ANKS1B: variants seen among roughly 807,000 people sequenced by gnomAD.
ANKS1B encodes ankyrin repeat and sterile alpha motif domain-containing protein 1B.
A neutral mutation model predicts 148.3 loss-of-function variants in ANKS1B; 36 were observed. The observed-to-expected ratio is 0.24, with a 90% CI of 0.19 to 0.32. ANKS1B has a LOEUF of 0.32. Ranked by LOEUF, ANKS1B falls within the 10% of genes least tolerant of loss-of-function variation. The pLI, the probability that ANKS1B is intolerant of heterozygous loss-of-function variation, is 1.00. For missense variants in ANKS1B, 1,157 were observed against 1,542.6 expected (o/e 0.75, Z 4.19); for synonymous variants, 542 against 560.8 (o/e 0.97, Z 0.47).
intron 16 of ANKS1B, among the ~76,000 whole-genome samples, chr12:99,062,176 G>A (rs986437086): frequency 2.6e-5 from 4 of 152,132 alleles, no homozygotes; most frequent in African/African-American, 7.2e-5. Context: ...ATCTGACCTC[G>A]AGCAAATCAC....
At chr12:99,271,662 C>CTATATATATATA (rs59207203) in intron 12 of ANKS1B, among the ~76,000 whole-genome samples, 1,011 of 94,094 alleles carry the variant, frequency 0.011, 60 homozygotes, top group African/African-American at 0.037. Flanking sequence ...AGTCAATAAA[C>CTATATATATATA]TATATATATA....
intron 12 of ANKS1B, among the ~76,000 whole-genome samples, chr12:99,356,320 C>T (rs2091976480): frequency 6.6e-6 from 1 of 152,080 alleles, no homozygotes; most frequent in Non-Finnish European, 1.5e-5. Flanking sequence ...CTCTAGAATG[C>T]CAGGGAAAAC....
chr12:99,379,028 G>A (rs569504689), intron 12 of ANKS1B, among the ~76,000 whole-genome samples: 2 of 152,188 alleles, frequency 1.3e-5, no homozygotes, highest in East Asian at 3.9e-4. Flanking sequence ...TGATGGATAT[G>A]TGGGAGGCAC....
chr12:99,044,919 C>T (rs1251653346), intron 17 of ANKS1B, among the ~76,000 whole-genome samples: 1 of 151,906 alleles, frequency 6.6e-6, no homozygotes, highest in South Asian at 2.1e-4. Flanking sequence ...TACCGAGGGG[C>T]GGATATAAGA....
chr12:98,856,816 A>G (rs2099574145), intron 17 of ANKS1B, among the ~76,000 whole-genome samples: 1 of 152,198 alleles, frequency 6.6e-6, no homozygotes, highest in Non-Finnish European at 1.5e-5. Context: ...TTCTGTGTCT[A>G]GAAGAATCAA....
intron 14 of ANKS1B, among the ~76,000 whole-genome samples, chr12:99,168,095 T>C (rs1489621447): frequency 6.6e-6 from 1 of 152,234 alleles, no homozygotes; most frequent in Non-Finnish European, 1.5e-5. Context: ...TTGGGGCTGA[T>C]GAATATATTC....
intron 10 of ANKS1B, among the ~76,000 whole-genome samples, chr12:99,475,411 ATTCT>A (rs913671576): frequency 5.3e-5 from 8 of 151,798 alleles, no homozygotes; most frequent in African/African-American, 1.7e-4. Flanking sequence ...GGGAAAAAAA[ATTCT>A]TTCAACAGAG....
At chr12:99,697,823 A>C (rs576726234) in intron 8 of ANKS1B, among the ~76,000 whole-genome samples, 25 of 152,304 alleles carry the variant, frequency 1.6e-4, no homozygotes, top group Admixed American at 1.2e-3. Flanking sequence ...AACAGGAGAA[A>C]TGGGAGAGGT....
chr12:99,879,159 A>G (rs899667022), intron 1 of ANKS1B, among the ~76,000 whole-genome samples: 4 of 152,186 alleles, frequency 2.6e-5, no homozygotes, highest in Non-Finnish European at 5.9e-5. Flanking sequence ...AGGGAAGCCC[A>G]CATGTCAGTA....
intron 17 of ANKS1B, among the ~76,000 whole-genome samples, chr12:98,886,748 T>C (rs1160872465): frequency 1.3e-5 from 2 of 152,124 alleles, no homozygotes; most frequent in Non-Finnish European, 2.9e-5. Context: ...CCTCAGACTA[T>C]ACAGAGATAT....
intron 9 of ANKS1B, among the ~76,000 whole-genome samples, chr12:99,651,304 G>A (rs1353322531): frequency 2.0e-5 from 3 of 152,112 alleles, no homozygotes; most frequent in Non-Finnish European, 2.9e-5. Flanking sequence ...ACATTACTGA[G>A]AAATCACATC....
chr12:98,959,202 T>G (rs1009674000), intron 17 of ANKS1B, among the ~76,000 whole-genome samples: 2 of 152,220 alleles, frequency 1.3e-5, no homozygotes, highest in Non-Finnish European at 2.9e-5. Flanking sequence ...ATGGACAAAT[T>G]AAATGCCAGG....
chr12:99,931,375 A>C (rs1176870397), intron 1 of ANKS1B, among the ~76,000 whole-genome samples: 2 of 152,160 alleles, frequency 1.3e-5, no homozygotes, highest in East Asian at 1.9e-4. Flanking sequence ...AGAATGACAG[A>C]GGGATTACCA....
At chr12:99,015,653 T>A (rs1598470978) in intron 17 of ANKS1B, among the ~76,000 whole-genome samples, 1 of 151,894 alleles carries the variant, frequency 6.6e-6, no homozygotes, top group Non-Finnish European at 1.5e-5. Context: ...GATCAGGAGG[T>A]CAGGCGATCT....
chr12:99,483,723 C>T (rs1293169897), intron 10 of ANKS1B, among the ~76,000 whole-genome samples: 3 of 151,902 alleles, frequency 2.0e-5, no homozygotes, highest in Non-Finnish European at 4.4e-5. Flanking sequence ...TTGATTTAAT[C>T]TATGAGTGGT....
At chr12:99,058,718 CCTTTTTTTTTTTTTTTTTT>C in intron 16 of ANKS1B, among the ~76,000 whole-genome samples, 2 of 115,892 alleles carry the variant, frequency 1.7e-5, no homozygotes, top group Non-Finnish European at 3.6e-5. Flanking sequence ...TTCTATCTAT[CCTTTTTTTTTTTTTTTTTT>C]TTTTTTTTTT....
At chr12:98,847,222 T>C (rs1453866634) in intron 17 of ANKS1B, among the ~76,000 whole-genome samples, 1 of 152,190 alleles carries the variant, frequency 6.6e-6, no homozygotes, top group African/African-American at 2.4e-5. Flanking sequence ...CTAGAGCTTA[T>C]TTCTCTTGCA....
intron 12 of ANKS1B, among the ~76,000 whole-genome samples, chr12:99,322,934 A>G (rs2085581551): frequency 6.6e-6 from 1 of 152,104 alleles, no homozygotes; most frequent in Admixed American, 6.6e-5. Context: ...GCCTGCCACC[A>G]TGTAACATGT....
chr12:99,105,113 AT>A (rs1424775447), intron 15 of ANKS1B: 2 of 152,262 alleles, frequency 1.3e-5, no homozygotes, highest in African/African-American at 4.8e-5. Flanking sequence ...GAAAGAAATA[AT>A]GGGAGACCAT....
Sources: gnomAD v4.1 joint callset for allele counts (sites outside exome capture counted in the v4.1 genomes callset) on GRCh38, gnomAD v4.1.1 for gene constraint, MANE v1.5 for transcripts, NCBI Gene and HGNC (gene_info 2026-07-23, HGNC 2026-07-21) for gene names.